TNFRSF10B: variants seen among roughly 807,000 people sequenced by gnomAD.
TNFRSF10B encodes the protein tumor necrosis factor receptor superfamily member 10B.
In TNFRSF10B, 35 loss-of-function variants were observed where a neutral mutation model predicts 41.4. That is an observed-to-expected ratio of 0.85 (90% confidence interval 0.65 to 1.12). TNFRSF10B has a LOEUF of 1.12. Ranked by LOEUF, TNFRSF10B falls within the 50% of genes most tolerant of loss-of-function variation. The pLI, the probability that TNFRSF10B is intolerant of heterozygous loss-of-function variation, is 0.00. For missense variants in TNFRSF10B, 584 were observed against 552.7 expected (o/e 1.06, Z -0.57); for synonymous variants, 230 against 215.5 (o/e 1.07, Z -0.59).
intron 1 of TNFRSF10B, among the ~76,000 whole-genome samples, chr8:23,061,084 A>G (rs1465826861): frequency 6.6e-6 from 1 of 152,198 alleles, no homozygotes; most frequent in Admixed American, 6.5e-5. Context: ...AAAACTTAAG[A>G]CATCCTGATA....
chr8:23,051,782 A>T (rs933014615), intron 1 of TNFRSF10B, among the ~76,000 whole-genome samples: 4 of 152,018 alleles, frequency 2.6e-5, no homozygotes, highest in African/African-American at 9.7e-5. Flanking sequence ...TGACCTTCTG[A>T]TCCGCCCACC....
intron 4 of TNFRSF10B, among the ~76,000 whole-genome samples, chr8:23,029,406 G>A (rs983606330): frequency 6.6e-6 from 1 of 152,144 alleles, no homozygotes; most frequent in African/African-American, 2.4e-5. Context: ...AAGTCAGCCT[G>A]GTCAAGGGGA....
intron 7 of TNFRSF10B, among the ~76,000 whole-genome samples, chr8:23,025,134 A>C (rs1811665260): frequency 6.6e-6 from 1 of 152,120 alleles, no homozygotes; most frequent in Non-Finnish European, 1.5e-5. Context: ...CTGGGTGACA[A>C]GAGTGAGACC....
intron 1 of TNFRSF10B, among the ~76,000 whole-genome samples, chr8:23,058,491 C>CTT (rs113413155): frequency 1.3e-4 from 19 of 145,430 alleles, no homozygotes; most frequent in Middle Eastern, 3.5e-3. Context: ...TGTGTATTGG[C>CTT]TTTTTTTTTT....
chr8:23,041,625 C>A (rs1259109098), intron 2 of TNFRSF10B, among the ~76,000 whole-genome samples: 2 of 147,520 alleles, frequency 1.4e-5, no homozygotes, highest in Middle Eastern at 3.5e-3. Context: ...AAAAAAAAAC[C>A]TAACCTCTTA....
intron 7 of TNFRSF10B, among the ~76,000 whole-genome samples, chr8:23,024,890 C>T (rs1476270769): frequency 6.6e-6 from 1 of 151,938 alleles, no homozygotes; most frequent in African/African-American, 2.4e-5. Flanking sequence ...ACCTGTAATC[C>T]CAGCACTCTG....
chr8:23,054,989 T>A (rs761811598), intron 1 of TNFRSF10B, among the ~76,000 whole-genome samples: 4 of 152,074 alleles, frequency 2.6e-5, no homozygotes, highest in African/African-American at 4.8e-5. Context: ...GAGAGAAAAA[T>A]TATGTTTCAA....
chr8:23,028,100 G>A (rs1374172232), intron 5 of TNFRSF10B: 8 of 628,190 alleles, frequency 1.3e-5, no homozygotes, highest in Admixed American at 3.0e-5. Flanking sequence ...CTGCCCTCCT[G>A]GACTTGGCTG....
intron 2 of TNFRSF10B, among the ~76,000 whole-genome samples, chr8:23,040,265 A>ATATATATATATAT (rs1563313816): frequency 8.3e-6 from 1 of 121,022 alleles, no homozygotes; most frequent in African/African-American, 3.4e-5. Flanking sequence ...TATATTTATT[A>ATATATATATATAT]AATATATATA....
intron 3 of TNFRSF10B, 87 bp from the exon 4 acceptor site, chr8:23,029,808 G>T: frequency 7.5e-7 from 1 of 1,341,860 alleles, no homozygotes; most frequent in Non-Finnish European, 1.0e-6. Flanking sequence ...CTGCTACTCA[G>T]CTCAACTCAG....
At chr8:23,048,109 G>C (rs1812415160) in intron 1 of TNFRSF10B, among the ~76,000 whole-genome samples, 2 of 152,192 alleles carry the variant, frequency 1.3e-5, no homozygotes, top group African/African-American at 4.8e-5. Context: ...GGCACAAAAA[G>C]AGAAATACTG....
chr8:23,049,187 T>C (rs528778893), intron 1 of TNFRSF10B, among the ~76,000 whole-genome samples: 1 of 152,184 alleles, frequency 6.6e-6, no homozygotes, highest in Non-Finnish European at 1.5e-5. Context: ...CCATCACAAC[T>C]GTGTCAGTAC....
Position 23,021,873 on chromosome 8 carries a change from G to C in TNFRSF10B, c.*798C>G, listed in dbSNP as rs1240261991. 1 of 454,068 alleles carries C rather than the reference G, an allele frequency of 2.2e-6. No individual in the cohort carries two copies. The highest frequency in any genetic ancestry group is 4.4e-6 in the Non-Finnish European group (1 of 226,778). The allele number at this position is 454,068 out of a possible 1,614,324, so 28.1% of individuals were successfully genotyped here. ...CCCATTGTATGTCTCCTCCTTTTAT[G>C]TTTATCTAATCTATTCACATAACTA... On this transcript the variant is annotated 3_prime_UTR_variant, in exon 9 of 9. Coordinates refer to ENST00000276431, the MANE Select transcript of TNFRSF10B (RefSeq NM_003842.5).
chr8:23,066,511 G>T (rs1401460533), intron 1 of TNFRSF10B, among the ~76,000 whole-genome samples: 1 of 152,134 alleles, frequency 6.6e-6, no homozygotes, highest in Non-Finnish European at 1.5e-5. Context: ...TACTAAGTTA[G>T]CTCTGATACA....
intron 1 of TNFRSF10B, among the ~76,000 whole-genome samples, chr8:23,049,223 A>G (rs1812451092): frequency 6.6e-6 from 1 of 152,218 alleles, no homozygotes; most frequent in African/African-American, 2.4e-5. Context: ...GTTAAATATT[A>G]AAAGCTAAAA....
At chr8:23,037,117 C>T (rs1481049291) in intron 2 of TNFRSF10B, among the ~76,000 whole-genome samples, 1 of 152,122 alleles carries the variant, frequency 6.6e-6, no homozygotes, top group Non-Finnish European at 1.5e-5. Context: ...GTGATCTTAG[C>T]AGGGAAGGAT....
chr8:23,028,141 G>C lies in TNFRSF10B; in HGVS notation c.748+190C>G, dbSNP rs1811766017. On this transcript the variant is annotated intron_variant, in intron 5 of 8. Coordinates refer to ENST00000276431, the MANE Select transcript of TNFRSF10B (RefSeq NM_003842.5). ...TATGGGGACCCCCAGACCTGGGAGA[G>C]GGACTGAAGAGACCAGGGTCCTGGG... 3 of 715,154 alleles carry C rather than the reference G, an allele frequency of 4.2e-6. No individual in the cohort carries two copies. In the East Asian group the frequency reaches 8.2e-5, roughly 20 times the overall value. 44.3% of individuals were successfully genotyped at this position (715,154 alleles called of 1,614,324 possible).
At chr8:23,068,226 G>T (rs1230589129) in intron 1 of TNFRSF10B, 1 of 155,354 alleles carries the variant, frequency 6.4e-6, no homozygotes, top group Admixed American at 6.4e-5. Context: ...CGACTCCCGC[G>T]CACGGAACGG....
At chr8:23,041,624 C>T (rs1181945620) in intron 2 of TNFRSF10B, among the ~76,000 whole-genome samples, 2 of 142,974 alleles carry the variant, frequency 1.4e-5, no homozygotes, top group Non-Finnish European at 3.1e-5. Context: ...AAAAAAAAAA[C>T]CTAACCTCTT....
Sources: gnomAD v4.1 joint callset for allele counts (sites outside exome capture counted in the v4.1 genomes callset) on GRCh38, gnomAD v4.1.1 for gene constraint, MANE v1.5 for transcripts, NCBI Gene and HGNC (gene_info 2026-07-23, HGNC 2026-07-21) for gene names.